PTPRT: variants seen among roughly 807,000 people sequenced by gnomAD.
The protein encoded by PTPRT is protein tyrosine phosphatase receptor type T, also known as receptor-type tyrosine-protein phosphatase T.
A neutral mutation model predicts 176.8 loss-of-function variants in PTPRT; 56 were observed. That is an observed-to-expected ratio of 0.32 (90% CI 0.26 to 0.40). PTPRT has a LOEUF of 0.40. Ranked by LOEUF, PTPRT falls within the 10% of genes least tolerant of loss-of-function variation. The pLI, the probability that PTPRT is intolerant of heterozygous loss-of-function variation, is 1.00. For synonymous variants in PTPRT, 783 were observed against 739.0 expected, an observed-to-expected ratio of 1.06 and a Z score of -0.96; for missense variants, 1,540 against 1,908.2, an observed-to-expected ratio of 0.81 and a Z score of 3.60.
At chr20:42,241,087 G>A (rs1488669223) in intron 14 of PTPRT, among the ~76,000 whole-genome samples, 2 of 152,210 alleles carry the variant, frequency 1.3e-5, no homozygotes, top group Non-Finnish European at 1.5e-5. Flanking sequence ...TAGTTGTTAA[G>A]TGGCATGGCA....
At chr20:42,917,650 C>T (rs1600554886) in intron 1 of PTPRT, among the ~76,000 whole-genome samples, 1 of 152,084 alleles carries the variant, frequency 6.6e-6, no homozygotes, top group African/African-American at 2.4e-5. Context: ...AATAGCATTG[C>T]CCCCTATCTT....
chr20:42,549,548 C>T (rs1057034383), intron 7 of PTPRT, among the ~76,000 whole-genome samples: 4 of 152,050 alleles, frequency 2.6e-5, no homozygotes, highest in Non-Finnish European at 4.4e-5. Flanking sequence ...AAACTGTGGC[C>T]CATCATTAAC....
In PTPRT at chr20:42,640,428, C is replaced by T. The variant is rs761001770; in HGVS notation, c.1153+37438G>A. On this transcript the variant is annotated intron_variant, in intron 7 of 30. Transcript: ENST00000373187. Reference sequence around the variant, plus strand: ...AAAATTTTTTTGAGACAGTGTCTTGCTTTGTCGCCCAGGCTGGATGGAAGT... The same window carrying T: ...AAAATTTTTTTGAGACAGTGTCTTGTTTTGTCGCCCAGGCTGGATGGAAGT... Among the ~76,000 whole-genome samples the T allele has an allele frequency of 1.8e-4, 28 of 151,942 alleles. 1 individual carries two copies. The highest frequency in any genetic ancestry group is 4.2e-4 in the South Asian group (2 of 4,808).
intron 15 of PTPRT, among the ~76,000 whole-genome samples, chr20:42,226,309 G>T (rs190783376): frequency 1.3e-5 from 2 of 152,294 alleles, no homozygotes; most frequent in Non-Finnish European, 2.9e-5. Flanking sequence ...CCATTTTACA[G>T]ATGAGAAACT....
intron 2 of PTPRT, among the ~76,000 whole-genome samples, chr20:42,854,848 C>G (rs2078534355): frequency 6.6e-6 from 1 of 152,158 alleles, no homozygotes; most frequent in South Asian, 2.1e-4. Flanking sequence ...TCAGTTATAC[C>G]AGCACCACCA....
chr20:42,287,319 C>T (rs1019511868), intron 12 of PTPRT, among the ~76,000 whole-genome samples: 1 of 151,808 alleles, frequency 6.6e-6, no homozygotes, highest in African/African-American at 2.4e-5. Flanking sequence ...ATAGCCATGA[C>T]AGGCAATCAA....
At chr20:42,408,763 A>C (rs2425496) in intron 9 of PTPRT, among the ~76,000 whole-genome samples, 130,623 of 152,240 alleles carry the variant, frequency 0.86, 56,179 homozygotes, top group East Asian at 0.88. Flanking sequence ...GCTGCTATAA[A>C]AAAATACTTG....
At chr20:42,126,029 G>A (rs559661290) in intron 19 of PTPRT, among the ~76,000 whole-genome samples, 1 of 151,430 alleles carries the variant, frequency 6.6e-6, no homozygotes, top group African/African-American at 2.4e-5. Flanking sequence ...TGGGAGTGGG[G>A]GGGGGGAGGG....
chr20:43,137,935 GA>G (rs1461334860), intron 1 of PTPRT, among the ~76,000 whole-genome samples: 1 of 152,200 alleles, frequency 6.6e-6, no homozygotes, highest in Non-Finnish European at 1.5e-5. Flanking sequence ...CATCTTCAGG[GA>G]GGAAGCCTTT....
chr20:42,758,702 T>C (rs982177682), intron 5 of PTPRT, among the ~76,000 whole-genome samples: 1 of 152,148 alleles, frequency 6.6e-6, no homozygotes. Context: ...ACATGTGGAA[T>C]AGTTAGTACA....
chr20:42,521,701 A>G (rs986930987), intron 7 of PTPRT, among the ~76,000 whole-genome samples: 13 of 152,214 alleles, frequency 8.5e-5, no homozygotes, highest in African/African-American at 1.2e-4. Flanking sequence ...GCATGTTGAT[A>G]GCAATTTGCA....
At chr20:42,322,115 C>A (rs1320975255) in intron 11 of PTPRT, among the ~76,000 whole-genome samples, 1 of 152,102 alleles carries the variant, frequency 6.6e-6, no homozygotes, top group East Asian at 1.9e-4. Flanking sequence ...GACTCCGATA[C>A]AAACAAATGG....
At position 42,453,310 on chromosome 20, in the gene PTPRT, G is replaced by A. The variant is rs188408466; in HGVS notation, c.1451-4981C>T. On this transcript the variant is annotated intron_variant, in intron 8 of 30. Coordinates refer to ENST00000373187, the MANE Select transcript of PTPRT (RefSeq NM_007050.6). Reference sequence around the variant, plus strand: ...TCCAGTAAACTGTATAAATCTTCATGTATTAATGCTTCTTTTTATGCCCCT... The same window carrying A: ...TCCAGTAAACTGTATAAATCTTCATATATTAATGCTTCTTTTTATGCCCCT... Among the ~76,000 whole-genome samples, 366 of 152,056 alleles carry A rather than the reference G, an allele frequency of 2.4e-3. 2 individuals carry two copies. The highest frequency in any genetic ancestry group is 8.0e-3 in the African/African-American group (330 of 41,494).
chr20:42,686,455 CTCTTTTTTTTTTTTTTTTTTT>C (rs2075693266), intron 6 of PTPRT: 1 of 116,790 alleles, frequency 8.6e-6, no homozygotes, highest in African/African-American at 3.0e-5. Context: ...TCATAGTGCA[CTCTTTTTTTTTTTTTTTTTTT>C]TTTTTTTTTT....
At chr20:43,096,563 G>A (rs2012177910) in intron 1 of PTPRT, among the ~76,000 whole-genome samples, 1 of 152,192 alleles carries the variant, frequency 6.6e-6, no homozygotes, top group South Asian at 2.1e-4. Context: ...CTCCTGGCCG[G>A]TTCCCCAGCT....
chr20:42,361,440 C>A (rs570729327), intron 9 of PTPRT, among the ~76,000 whole-genome samples: 12 of 152,268 alleles, frequency 7.9e-5, no homozygotes, highest in Non-Finnish European at 1.6e-4. Flanking sequence ...GGACTTGGGA[C>A]TGCTCTCACC....
chr20:42,297,407 A>C (rs2057402906), intron 12 of PTPRT, among the ~76,000 whole-genome samples: 1 of 152,176 alleles, frequency 6.6e-6, no homozygotes, highest in South Asian at 2.1e-4. Context: ...GAACAAATAG[A>C]AAGACATCCC....
At position 42,182,636 on chromosome 20, in the gene PTPRT, T is replaced by C. The variant is rs148157885; in HGVS notation, c.2491+16604A>G. Among the ~76,000 whole-genome samples, 188 of 152,298 alleles carry C rather than the reference T, an allele frequency of 1.2e-3. 1 individual carries two copies. Among genetic ancestry groups the C allele is most frequent in the Admixed American group, 2.2e-3 (34 of 15,294 alleles). On this transcript the variant is annotated intron_variant, in intron 16 of 30. Coordinates refer to ENST00000373187, the MANE Select transcript of PTPRT (RefSeq NM_007050.6). ...ATCCTGAAGATAAAAGGTTTCACCT[T>C]GGAAAAACTCAACTGGTCCCATGAG...
Position 42,421,780 on chromosome 20 carries a change from T to C in PTPRT, c.1560+26440A>G, listed in dbSNP as rs150791192. On this transcript the variant is annotated intron_variant, in intron 9 of 30. Coordinates refer to ENST00000373187, the MANE Select transcript of PTPRT (RefSeq NM_007050.6). The stretch of plus-strand genomic sequence containing the variant: ...AGCAAAAAGAACAAAGCTGGAGGCA[T>C]TGCACTATCCAACTTCAAACTATAC... Among the ~76,000 whole-genome samples the C allele has an allele frequency of 2.2e-4, 34 of 152,210 alleles. No individual in the cohort carries two copies. The East Asian group carries it at 6.4e-3, about 29-fold the overall frequency.
Sources: allele counts gnomAD v4.1 joint callset (sites outside exome capture counted in the v4.1 genomes callset), GRCh38; gene constraint gnomAD v4.1.1; transcripts MANE v1.5; gene names NCBI Gene and HGNC (gene_info 2026-07-23, HGNC 2026-07-21).